The following AFF1 variants were observed in gnomAD, a reference collection of about 807,000 sequenced individuals.
The protein encoded by AFF1 is AF4/FMR2 family member 1.
In AFF1, 48 loss-of-function variants were observed where a neutral mutation model predicts 121.7. The observed-to-expected ratio is 0.39, with a 90% CI of 0.31 to 0.50. The LOEUF is 0.50. Among genes scored for constraint, AFF1 ranks in the 20% least tolerant of loss-of-function variants. The probability of loss-of-function intolerance (pLI) is 0.76; values close to 1 mark genes in which losing one functional copy is unlikely to be tolerated. For synonymous variants in AFF1, 613 were observed against 563.0 expected (o/e 1.09, Z -1.26); for missense variants, 1,523 against 1,511.7 (o/e 1.01, Z -0.12).
chr4:87,095,849 T>A (rs955990562), intron 8 of AFF1, among the ~76,000 whole-genome samples: 15 of 152,070 alleles, frequency 9.9e-5, no homozygotes, highest in Non-Finnish European at 2.2e-4. Flanking sequence ...AGGGACTAAG[T>A]GAGGAGGCCT....
chr4:87,031,076 G>T (rs1339080341), intron 2 of AFF1, among the ~76,000 whole-genome samples: 10 of 152,256 alleles, frequency 6.6e-5, no homozygotes, highest in African/African-American at 1.9e-4. Flanking sequence ...GGGGTAGGAG[G>T]GTATTGCAGG....
At chr4:86,972,076 T>C (rs997622939) in intron 2 of AFF1, among the ~76,000 whole-genome samples, 1 of 134,700 alleles carries the variant, frequency 7.4e-6, no homozygotes, top group Non-Finnish European at 1.5e-5. Context: ...AGGTCGAGGC[T>C]CCTGTGAGCT....
At chr4:87,018,436 C>T (rs967334474) in intron 2 of AFF1, among the ~76,000 whole-genome samples, 3 of 152,138 alleles carry the variant, frequency 2.0e-5, no homozygotes, top group African/African-American at 7.2e-5. Context: ...TTACCTGAGG[C>T]AGAGAAAGAG....
intron 12 of AFF1, among the ~76,000 whole-genome samples, chr4:87,121,360 A>G (rs1284143473): frequency 6.6e-6 from 1 of 152,056 alleles, no homozygotes; most frequent in Non-Finnish European, 1.5e-5. Context: ...TTTGGTCTGC[A>G]TTTCTGCTCA....
intron 2 of AFF1, among the ~76,000 whole-genome samples, chr4:87,014,337 A>G (rs941079208): frequency 6.6e-6 from 1 of 152,228 alleles, no homozygotes; most frequent in African/African-American, 2.4e-5. Flanking sequence ...TTTTGTTCCC[A>G]GGGAAAAGTT....
intron 1 of AFF1, chr4:86,936,284 G>T (rs901180321): frequency 2.6e-5 from 4 of 152,200 alleles, no homozygotes; most frequent in Non-Finnish European, 4.4e-5. Context: ...GACTCACCAC[G>T]GGGAAATCAG....
intron 2 of AFF1, among the ~76,000 whole-genome samples, chr4:86,993,805 AT>A (rs1724909125): frequency 1.3e-5 from 2 of 152,106 alleles, no homozygotes; most frequent in South Asian, 4.2e-4. Flanking sequence ...TCTACTAAAA[AT>A]ACAAAAAATT....
At chr4:87,054,186 C>T (rs1731527566) in intron 4 of AFF1, among the ~76,000 whole-genome samples, 2 of 152,190 alleles carry the variant, frequency 1.3e-5, no homozygotes, top group Non-Finnish European at 2.9e-5. Flanking sequence ...ATAAAAATTC[C>T]CAGGCCCTCC....
At chr4:86,999,937 C>T (rs556666247) in intron 2 of AFF1, among the ~76,000 whole-genome samples, 4 of 152,118 alleles carry the variant, frequency 2.6e-5, no homozygotes, top group Admixed American at 6.5e-5. Context: ...AGATGATGAG[C>T]CTGGAGCATC....
intron 2 of AFF1, among the ~76,000 whole-genome samples, chr4:86,961,520 G>A (rs1722141796): frequency 6.6e-6 from 1 of 151,594 alleles, no homozygotes; most frequent in African/African-American, 2.4e-5. Flanking sequence ...TCAGAGAAAC[G>A]TGCATCTTTT....
intron 5 of AFF1, among the ~76,000 whole-genome samples, chr4:87,085,751 C>CTTTTT (rs200938461): frequency 1.7e-4 from 23 of 139,112 alleles, no homozygotes; most frequent in Admixed American, 1.5e-3. Context: ...AGAAACATAC[C>CTTTTT]TTTTTTTTTT....
chr4:87,031,847 A>T (rs1729118833), intron 2 of AFF1, among the ~76,000 whole-genome samples: 1 of 150,948 alleles, frequency 6.6e-6, no homozygotes, highest in Admixed American at 6.6e-5. Context: ...TAACATTATT[A>T]AGGACTCTAA....
chr4:87,102,661 C>T (rs1455420213), intron 8 of AFF1, among the ~76,000 whole-genome samples: 4 of 152,026 alleles, frequency 2.6e-5, no homozygotes, highest in African/African-American at 9.7e-5. Context: ...AGGATACCTA[C>T]CAGTTTCTAG....
intron 2 of AFF1, among the ~76,000 whole-genome samples, chr4:87,003,000 A>G (rs1191781355): frequency 2.0e-5 from 3 of 152,226 alleles, no homozygotes; most frequent in Non-Finnish European, 2.9e-5. Context: ...GGTGTTTTCA[A>G]AACACTTGGA....
intron 4 of AFF1, among the ~76,000 whole-genome samples, chr4:87,071,119 C>T (rs533063732): frequency 6.6e-6 from 1 of 151,110 alleles, no homozygotes. Context: ...GGACCTGTTA[C>T]CACCAGACTT....
At chr4:87,084,199 AT>A (rs749619747) in intron 5 of AFF1, 35 bp downstream of exon 5, 43 of 1,599,646 alleles carry the variant, frequency 2.7e-5, no homozygotes, top group Non-Finnish European at 3.7e-5. Flanking sequence ...ATTTGAAGAA[AT>A]ATTTAAGTAG....
At chr4:87,080,606 A>G (rs751893465) in intron 4 of AFF1, among the ~76,000 whole-genome samples, 1 of 152,202 alleles carries the variant, frequency 6.6e-6, no homozygotes, top group Non-Finnish European at 1.5e-5. Context: ...AGGCTGAGGT[A>G]GGAGGATGAC....
intron 2 of AFF1, among the ~76,000 whole-genome samples, chr4:87,041,874 G>C (rs1343537328): frequency 6.6e-6 from 1 of 152,058 alleles, no homozygotes; most frequent in Admixed American, 6.5e-5. Context: ...AATTAGCCAG[G>C]CGTGGTGTCG....
chr4:87,080,789 G>T (rs1723085006), intron 4 of AFF1, among the ~76,000 whole-genome samples: 1 of 152,196 alleles, frequency 6.6e-6, no homozygotes. Context: ...TGTCCTTGTA[G>T]ATCTTTCCCT....
Sources: gnomAD v4.1 joint callset for allele counts (sites outside exome capture counted in the v4.1 genomes callset) on GRCh38, gnomAD v4.1.1 for gene constraint, MANE v1.5 for transcripts, NCBI Gene and HGNC (gene_info 2026-07-23, HGNC 2026-07-21) for gene names.